The following ZNF827 variants were observed in gnomAD, a reference collection of about 807,000 sequenced individuals.
ZNF827 encodes the protein zinc finger protein 827.
A neutral mutation model predicts 102.4 loss-of-function variants in ZNF827; 13 were observed. The ratio of observed to expected loss-of-function variants is 0.13; its 90% confidence interval spans 0.08 to 0.20. ZNF827 has a LOEUF of 0.20. ZNF827 is among the 10% of genes least tolerant of loss of function. The pLI is 1.00. For synonymous variants in ZNF827, 523 were observed against 536.2 expected (o/e 0.98, Z 0.34); for missense variants, 1,103 against 1,344.4 (o/e 0.82, Z 2.81).
At position 145,902,569 on chromosome 4, in the gene ZNF827, C is replaced by T; in HGVS notation, c.690G>A (p.Arg230=). The T allele has an allele frequency of 6.2e-7, 1 of 1,614,108 alleles. No homozygotes were observed. The highest frequency in any genetic ancestry group is 8.5e-7 in the Non-Finnish European group (1 of 1,179,984). ...NAVLQDKSLT[R]TEETMRFESF... ...ACTCAAATCGCATGGTCTCCTCAGTCCTGGTGAGAGATTTGTCCTGCAGAA... is the reference window on the plus strand; with the variant it reads ...ACTCAAATCGCATGGTCTCCTCAGTTCTGGTGAGAGATTTGTCCTGCAGAA... Residue 230 remains arginine, a synonymous_variant, in exon 2 of 15, where the codon AGG becomes AGA. Coordinates refer to ENST00000508784, the MANE Select transcript of ZNF827 (RefSeq NM_001306215.2). This position sits in a 1 kb window ranked among gnomAD's most constrained non-coding sequence, Gnocchi z 4.3.
At chr4:145,788,143 C>T (rs1739157315) in intron 8 of ZNF827, among the ~76,000 whole-genome samples, 1 of 152,128 alleles carries the variant, frequency 6.6e-6, no homozygotes, top group South Asian at 2.1e-4. Context: ...AAAAATCATC[C>T]CAGGAAAACT....
intron 5 of ZNF827, among the ~76,000 whole-genome samples, chr4:145,862,275 C>T (rs749073424): frequency 2.0e-4 from 30 of 152,346 alleles, no homozygotes; most frequent in Non-Finnish European, 1.8e-4. Context: ...ACTTCTGAGT[C>T]TGTCCTGCTT....
At chr4:145,843,478 C>T (rs1745622996) in intron 7 of ZNF827, among the ~76,000 whole-genome samples, 1 of 152,170 alleles carries the variant, frequency 6.6e-6, no homozygotes, top group Non-Finnish European at 1.5e-5. Flanking sequence ...GCTTCAGCTC[C>T]AGCCAAGGCA....
rs1183755208 is a variant in ZNF827, at chr4:145,757,853, G to T, written c.*3763C>A. On this transcript the variant is annotated 3_prime_UTR_variant, in exon 15 of 15. Coordinates refer to ENST00000508784, the MANE Select transcript of ZNF827 (RefSeq NM_001306215.2). ...AACATAATATGAAGAGTTAAAAAAA[G>T]GATAGAAGAAAGAAAGTGCTGAGAA... 4.6e-5 allele frequency: 7 copies of T among 152,014 alleles called. No homozygotes were observed. Among genetic ancestry groups the T allele is most frequent in the African/African-American group, 1.7e-4 (7 of 41,376 alleles). 9.4% of individuals were successfully genotyped at this position (152,014 alleles called of 1,614,324 possible).
rs771099583 is a variant in ZNF827, at chr4:145,903,145, C to G, written c.114G>C (p.Glu38Asp). ...CCCCATAGGATGCTTCTGACGGAGT[C>G]TCTGAAGAGTTTCCATACCAGTGTT... ...EGEHWYGNSSETPSEASYGEV... is the reference protein window; with the variant it reads ...EGEHWYGNSSDTPSEASYGEV... Residue 38 changes from glutamate to aspartate, a missense_variant, in exon 2 of 15, where the codon GAG becomes GAC. Physicochemically the swap from Glu to Asp is conservative, Grantham distance 45. This residue lies in a region of ZNF827 where 441 missense variants were observed against 458.6 expected (regional missense o/e 0.96). Coordinates refer to ENST00000508784, the MANE Select transcript of ZNF827 (RefSeq NM_001306215.2). 28 of 1,614,088 alleles carry G rather than the reference C, an allele frequency of 1.7e-5. No homozygotes were observed. The highest frequency in any genetic ancestry group is 6.7e-5 in the East Asian group (3 of 44,896).
chr4:145,836,078 C>G (rs1018792582), intron 7 of ZNF827, among the ~76,000 whole-genome samples: 1 of 152,046 alleles, frequency 6.6e-6, no homozygotes, highest in Non-Finnish European at 1.5e-5. Flanking sequence ...TGACACTCAT[C>G]AAGCTCAGCA....
At chr4:145,800,193 C>A (rs1054671127) in intron 8 of ZNF827, among the ~76,000 whole-genome samples, 1 of 152,168 alleles carries the variant, frequency 6.6e-6, no homozygotes, top group Non-Finnish European at 1.5e-5. Flanking sequence ...GCCACTGTTA[C>A]AATGAAATTG....
At chr4:145,905,786 T>A (rs1751813763) in intron 1 of ZNF827, among the ~76,000 whole-genome samples, 1 of 152,200 alleles carries the variant, frequency 6.6e-6, no homozygotes, top group Admixed American at 6.5e-5. Flanking sequence ...AAGTCAAAAG[T>A]TTAAAAATCC....
chr4:145,843,574 A>G (rs1379498603), intron 7 of ZNF827, among the ~76,000 whole-genome samples: 2 of 152,222 alleles, frequency 1.3e-5, no homozygotes, highest in Non-Finnish European at 2.9e-5. Flanking sequence ...CCTAAAGAGC[A>G]TAAAATAATA....
At chr4:145,836,145 A>T (rs377325404) in intron 7 of ZNF827, among the ~76,000 whole-genome samples, 1 of 151,748 alleles carries the variant, frequency 6.6e-6, no homozygotes, top group Non-Finnish European at 1.5e-5. Flanking sequence ...TACTTCAATC[A>T]AGCCCAAATT....
intron 3 of ZNF827, among the ~76,000 whole-genome samples, chr4:145,887,979 G>A (rs558118468): frequency 1.6e-4 from 25 of 152,284 alleles, no homozygotes; most frequent in Non-Finnish European, 2.4e-4. Context: ...CAGAAGCTCC[G>A]GAAGCAGCTT....
intron 8 of ZNF827, among the ~76,000 whole-genome samples, chr4:145,816,688 G>A (rs1265359959): frequency 6.6e-6 from 1 of 152,198 alleles, no homozygotes; most frequent in Non-Finnish European, 1.5e-5. Flanking sequence ...AAGTAACATT[G>A]TCTGGATCAA....
At chr4:145,857,050 T>C (rs1330189386) in intron 5 of ZNF827, among the ~76,000 whole-genome samples, 1 of 152,238 alleles carries the variant, frequency 6.6e-6, no homozygotes, top group African/African-American at 2.4e-5. Flanking sequence ...TTTATCAGAA[T>C]TGATTTCTTG....
Position 145,774,666 on chromosome 4 carries a change from G to C in ZNF827, c.2700C>G (p.His900Gln). ...GKKHPYYYSC[H>Q]VCGFETELNV... The stretch of plus-strand genomic sequence containing the variant: ...TGAGCTCGGTCTCAAATCCACACAC[G>C]TGACAACTACATGAAAGGGTAAAAG... Residue 900 changes from histidine (H) to glutamine (Q), a missense_variant, in exon 11 of 15, where the codon CAC becomes CAG. By Grantham distance (24) the His-to-Gln change is conservative (BLOSUM62 0). This residue lies in a region of ZNF827 where 242 missense variants were observed against 361.9 expected (regional missense o/e 0.67). Transcript: ENST00000508784. 4 of 1,613,492 alleles carry C rather than the reference G, an allele frequency of 2.5e-6. No homozygotes were observed. The highest frequency in any genetic ancestry group is 3.4e-6 in the Non-Finnish European group (4 of 1,179,802).
Position 145,765,244 on chromosome 4 carries a change from C to CTTCCTCCCG in ZNF827, c.3053-80_3053-79insCGGGAGGAA. 6.9e-7 allele frequency: 1 copy of CTTCCTCCCG among 1,441,326 alleles called. No homozygotes were observed. Among genetic ancestry groups the CTTCCTCCCG allele is most frequent in the Non-Finnish European group, 9.3e-7 (1 of 1,080,184 alleles). The allele number at this position is 1,441,326 out of a possible 1,614,324, so 89.3% of individuals were successfully genotyped here. A position where few individuals can be genotyped will look rare whatever the true frequency, so the allele number is the denominator to read the frequency against. ...GCAGGAGTGGAGCCAAGCTCCTCCC[C>CTTCCTCCCG]ACTTCCTCCCGCCTCCTCCGACGCC... On this transcript the variant is annotated intron_variant, in intron 12 of 14. Transcript: ENST00000508784. The surrounding 1 kb of genome is among the most constrained non-coding windows in gnomAD (Gnocchi z 4.7).
chr4:145,768,967 G>A (rs372532624), intron 11 of ZNF827, among the ~76,000 whole-genome samples: 8 of 132,642 alleles, frequency 6.0e-5, no homozygotes, highest in African/African-American at 2.2e-4. Context: ...TACATCTAGA[G>A]TGTAAAATTA....
intron 1 of ZNF827, among the ~76,000 whole-genome samples, chr4:145,924,381 T>C (rs1753277435): frequency 6.6e-6 from 1 of 152,238 alleles, no homozygotes. Flanking sequence ...TATATATGTA[T>C]AGATGTTAGA....
chr4:145,799,797 C>T (rs1740709001), intron 8 of ZNF827, among the ~76,000 whole-genome samples: 1 of 152,164 alleles, frequency 6.6e-6, no homozygotes, highest in South Asian at 2.1e-4. Context: ...CGACTTCCTT[C>T]CTGCTCTTTA....
Position 145,826,214 on chromosome 4 carries a change from G to A in ZNF827, c.2280-2689C>T, listed in dbSNP as rs151252746. Among the ~76,000 whole-genome samples, 6 of 152,240 alleles carry A rather than the reference G, an allele frequency of 3.9e-5. No individual in the cohort carries two copies. The East Asian group carries it at 7.7e-4, about 20-fold the overall frequency. ...GTTACTTCATAGTTAAGGGACCTTT[G>A]GACAATCAATAACCCCTCTAGCCTC... On this transcript the variant is annotated intron_variant, in intron 7 of 14. Coordinates refer to ENST00000508784, the MANE Select transcript of ZNF827 (RefSeq NM_001306215.2).
Sources: allele counts gnomAD v4.1 joint callset (sites outside exome capture counted in the v4.1 genomes callset), GRCh38; gene constraint gnomAD v4.1.1; regional missense constraint gnomAD v4.1.1; non-coding constraint Gnocchi (gnomAD v3.1); transcripts MANE v1.5; gene names NCBI Gene and HGNC (gene_info 2026-07-23, HGNC 2026-07-21).